Variants in CEP128 observed in about 807,000 individuals in gnomAD.
CEP128 encodes centrosomal protein 128, also known as centrosomal protein 128kDa.
CEP128 carries 132 observed loss-of-function variants against 156.7 expected under a neutral mutation model. The ratio of observed to expected loss-of-function variants is 0.84; its 90% CI spans 0.73 to 0.97. The LOEUF (loss-of-function observed/expected upper bound fraction) is 0.97. Among genes scored for constraint, CEP128 ranks in the 50% least tolerant of loss-of-function variants. The pLI, the probability that CEP128 is intolerant of heterozygous loss-of-function variation, is 0.00. For missense variants in CEP128, 1,252 were observed against 1,281.9 expected (o/e 0.98, Z 0.36); for synonymous variants, 469 against 448.9 (o/e 1.04, Z -0.57).
At chr14:80,529,562 T>A (rs1889131703) in intron 22 of CEP128, among the ~76,000 whole-genome samples, 1 of 152,222 alleles carries the variant, frequency 6.6e-6, no homozygotes, top group African/African-American at 2.4e-5. Flanking sequence ...AAGACAGGTA[T>A]CTATTTCTCA....
intron 19 of CEP128, among the ~76,000 whole-genome samples, chr14:80,734,621 G>A (rs951890488): frequency 5.3e-5 from 8 of 151,580 alleles, no homozygotes; most frequent in South Asian, 2.1e-4. Flanking sequence ...AGGCCGAGGC[G>A]GGCAGATCAT....
In CEP128 at chr14:80,496,533, C is replaced by T. The variant is rs1887502681; in HGVS notation, c.*946G>A. 1 of 152,558 alleles carries T rather than the reference C, an allele frequency of 6.6e-6. No homozygotes were observed. Among genetic ancestry groups the T allele is most frequent in the Non-Finnish European group, 1.5e-5 (1 of 67,980 alleles). The allele number at this position is 152,558 out of a possible 1,614,324, so 9.5% of individuals were successfully genotyped here. ...CCTTGTCTATGCAGAATCCATGACC[C>T]AATAGGATTCAGTTCCTGAAAGTTT... On this transcript the variant is annotated 3_prime_UTR_variant, in exon 25 of 25. Coordinates refer to ENST00000555265, the MANE Select transcript of CEP128 (RefSeq NM_152446.5).
intron 24 of CEP128, among the ~76,000 whole-genome samples, chr14:80,498,388 G>A (rs779276197): frequency 6.6e-6 from 1 of 152,080 alleles, no homozygotes; most frequent in African/African-American, 2.4e-5. Context: ...ATCAAATTAC[G>A]TCATTCTCCT....
intron 19 of CEP128, among the ~76,000 whole-genome samples, chr14:80,596,819 CAAAAA>C (rs57402112): frequency 3.6e-4 from 5 of 14,054 alleles, no homozygotes; most frequent in African/African-American, 1.8e-3. Context: ...GACACTGTCA[CAAAAA>C]AAAAAAAAAA....
At chr14:80,536,934 A>AT (rs1482085426) in intron 21 of CEP128, among the ~76,000 whole-genome samples, 7 of 152,194 alleles carry the variant, frequency 4.6e-5, no homozygotes, top group African/African-American at 1.7e-4. Context: ...AGGCTTGTTA[A>AT]GTAAAAATGC....
At chr14:80,833,222 T>C (rs1481202117) in intron 12 of CEP128, among the ~76,000 whole-genome samples, 1 of 151,848 alleles carries the variant, frequency 6.6e-6, no homozygotes, top group Non-Finnish European at 1.5e-5. Flanking sequence ...AATATGTATA[T>C]ATTGATACGT....
chr14:80,566,505 A>T (rs1890914822), intron 20 of CEP128, among the ~76,000 whole-genome samples: 3 of 152,248 alleles, frequency 2.0e-5, no homozygotes, highest in Admixed American at 2.0e-4. Flanking sequence ...GATTTAAAAA[A>T]AATTCAAACA....
intron 19 of CEP128, among the ~76,000 whole-genome samples, chr14:80,582,848 G>A (rs1304651177): frequency 5.3e-5 from 8 of 152,068 alleles, no homozygotes; most frequent in Non-Finnish European, 7.4e-5. Context: ...GATATTAGGA[G>A]GTTCTCAGAG....
At chr14:80,754,789 C>T (rs151331834) in intron 18 of CEP128, among the ~76,000 whole-genome samples, 64 of 152,250 alleles carry the variant, frequency 4.2e-4, no homozygotes, top group African/African-American at 1.4e-3. Flanking sequence ...ATGCCCACAG[C>T]ATGTAACAGC....
chr14:80,757,793 T>C (rs772022892), intron 17 of CEP128, among the ~76,000 whole-genome samples: 4 of 152,242 alleles, frequency 2.6e-5, no homozygotes, highest in Non-Finnish European at 4.4e-5. Context: ...GTCAGGAATA[T>C]CATTAGTTAA....
intron 8 of CEP128, among the ~76,000 whole-genome samples, chr14:80,894,081 C>T (rs924568030): frequency 2.0e-5 from 3 of 151,744 alleles, no homozygotes; most frequent in Non-Finnish European, 4.4e-5. Flanking sequence ...AGAACATCTT[C>T]GTGATCTAAG....
chr14:80,809,113 G>C (rs1382899317), intron 13 of CEP128, among the ~76,000 whole-genome samples: 1 of 151,992 alleles, frequency 6.6e-6, no homozygotes, highest in East Asian at 1.9e-4. Context: ...ACAAATAATA[G>C]AAGGAAGTCA....
At chr14:80,660,598 G>T (rs1176605849) in intron 19 of CEP128, among the ~76,000 whole-genome samples, 5 of 152,140 alleles carry the variant, frequency 3.3e-5, no homozygotes, top group Admixed American at 3.3e-4. Flanking sequence ...TCATTACCTT[G>T]TTGAGTGAAA....
At position 80,838,234 on chromosome 14, in the gene CEP128, T is replaced by C; in HGVS notation, c.894A>G (p.Ser298=). ...LELSRRLLNQ[S]EGSRETLLHQ... The stretch of plus-strand genomic sequence containing the variant: ...GCAAAAGTGTTTCTCGGCTGCCTTC[T>C]GATTGATTCAATAACCTTCGAGATA... The change falls in exon 11 of 25, where the codon TCA becomes TCG. Residue 298 remains serine, a synonymous_variant. Transcript: ENST00000555265. The C allele has an allele frequency of 6.2e-7, 1 of 1,613,612 alleles. No homozygotes were observed. Among genetic ancestry groups the C allele is most frequent in the Non-Finnish European group, 8.5e-7 (1 of 1,179,680 alleles).
intron 20 of CEP128, among the ~76,000 whole-genome samples, chr14:80,579,975 T>C (rs1442334926): frequency 2.6e-5 from 4 of 152,228 alleles, no homozygotes; most frequent in Admixed American, 2.6e-4. Flanking sequence ...TATGTGTTAA[T>C]TGGTTGGTCA....
chr14:80,558,299 C>CTT (rs1555374721), intron 21 of CEP128, among the ~76,000 whole-genome samples: 1 of 147,210 alleles, frequency 6.8e-6, no homozygotes. Context: ...TTTTCCTTTA[C>CTT]TTTTTTTTTT....
intron 20 of CEP128, among the ~76,000 whole-genome samples, chr14:80,576,492 CT>C (rs1341185310): frequency 9.2e-5 from 14 of 152,302 alleles, no homozygotes; most frequent in Non-Finnish European, 1.8e-4. Context: ...TTAAAAATCA[CT>C]GTCAAATATG....
At chr14:80,741,631 C>T (rs544875989) in intron 19 of CEP128, among the ~76,000 whole-genome samples, 6 of 152,166 alleles carry the variant, frequency 3.9e-5, no homozygotes, top group African/African-American at 9.6e-5. Flanking sequence ...TTAAATCACA[C>T]CAAAAAATAT....
At chr14:80,897,479 T>C (rs189988396) in intron 7 of CEP128, among the ~76,000 whole-genome samples, 11 of 152,314 alleles carry the variant, frequency 7.2e-5, no homozygotes, top group African/African-American at 2.6e-4. Flanking sequence ...TACTTTCCAT[T>C]TGAACGTCTC....
Sources: gnomAD v4.1 joint callset for allele counts (sites outside exome capture counted in the v4.1 genomes callset) on GRCh38, gnomAD v4.1.1 for gene constraint, MANE v1.5 for transcripts, NCBI Gene and HGNC (gene_info 2026-07-23, HGNC 2026-07-21) for gene names.